EVI5L: variants seen among roughly 807,000 people sequenced by gnomAD.
The protein encoded by EVI5L is EVI5-like protein.
A neutral mutation model predicts 106.1 loss-of-function variants in EVI5L; 30 were observed. That is an observed-to-expected ratio of 0.28 (90% confidence interval 0.21 to 0.38). The LOEUF (loss-of-function observed/expected upper bound fraction) is 0.38. Ranked by LOEUF, EVI5L falls within the 10% of genes least tolerant of loss-of-function variation. The pLI is 1.00. For missense variants in EVI5L, 809 were observed against 1,098.0 expected, an observed-to-expected ratio of 0.74 and a Z score of 3.72; for synonymous variants, 489 against 483.3, an observed-to-expected ratio of 1.01 and a Z score of -0.15.
In EVI5L at chr19:7,848,858, G is replaced by A; in HGVS notation, c.328-63G>A. The stretch of plus-strand genomic sequence containing the variant: ...GAGCCACGCCTGAGGAGCTGGGCTG[G>A]GTGGCCACGGGGAGGCTGCGCTGGG... On this transcript the variant is annotated intron_variant, in intron 3 of 19. Coordinates refer to ENST00000538904, the MANE Select transcript of EVI5L (RefSeq NM_001159944.3). This position sits in a 1 kb window ranked among gnomAD's most constrained non-coding sequence, Gnocchi z 4.8. The A allele has an allele frequency of 6.6e-7, 1 of 1,518,382 alleles. No individual in the cohort carries two copies. Among genetic ancestry groups the A allele is most frequent in the Non-Finnish European group, 9.0e-7 (1 of 1,111,624 alleles). The allele number at this position is 1,518,382 out of a possible 1,614,324, so 94.1% of individuals were successfully genotyped here.
chr19:7,863,868 C>A lies in EVI5L; in HGVS notation c.*166C>A. 1.0e-6 allele frequency: 1 copy of A among 972,286 alleles called. No homozygotes were observed. Among genetic ancestry groups the A allele is most frequent in the Non-Finnish European group, 1.4e-6 (1 of 698,928 alleles). 60.2% of individuals were successfully genotyped at this position (972,286 alleles called of 1,614,324 possible). A position where few individuals can be genotyped will look rare whatever the true frequency, so the allele number is the denominator to read the frequency against. On this transcript the variant is annotated 3_prime_UTR_variant, in exon 20 of 20. Transcript: ENST00000538904. The surrounding 1 kb of genome is among the most constrained non-coding windows in gnomAD (Gnocchi z 7.7). The stretch of plus-strand genomic sequence containing the variant: ...AGGCAGCGCAGAGGGTAGGGTCCGA[C>A]CTGGGCTCCTCAGGGCCCCGGGGCA...
chr19:7,835,415 G>A lies in EVI5L; in HGVS notation c.-48+5034G>A, dbSNP rs1978324516. On this transcript the variant is annotated intron_variant, in intron 1 of 19. Coordinates refer to ENST00000538904, the MANE Select transcript of EVI5L (RefSeq NM_001159944.3). The surrounding 1 kb of genome is among the most constrained non-coding windows in gnomAD (Gnocchi z 4.1). ...CCCAGCTACTCAGGAGGCTGAGGCA[G>A]GAGAATTGCTTGAACCCAGGAGGCA... is the stretch of plus-strand genomic sequence containing the variant. Among the ~76,000 whole-genome samples, 1 of 152,110 alleles carries A rather than the reference G, an allele frequency of 6.6e-6. No homozygotes were observed. Among genetic ancestry groups the A allele is most frequent in the African/African-American group, 2.4e-5 (1 of 41,410 alleles).
chr19:7,856,005 A>G lies in EVI5L; in HGVS notation c.1147-10A>G. The G allele has an allele frequency of 7.5e-7, 1 of 1,325,130 alleles. No individual in the cohort carries two copies. 82.1% of individuals were successfully genotyped at this position (1,325,130 alleles called of 1,614,324 possible). On this transcript the variant is annotated splice_polypyrimidine_tract_variant and intron_variant, in intron 10 of 19. Transcript: ENST00000538904. This position sits in a 1 kb window ranked among gnomAD's most constrained non-coding sequence, Gnocchi z 6.6. ...GCGGGCTATGACGTGATCTCCCCCCACCCCCATAGAGACTTCGGACGGAGA... is the reference window on the plus strand; with the variant it reads ...GCGGGCTATGACGTGATCTCCCCCCGCCCCCATAGAGACTTCGGACGGAGA...
rs146356394 is a variant in EVI5L at position 7,851,692 on chromosome 19, C to T, written c.909C>T (p.Ile303=). The change falls in exon 8 of 20, where the codon ATC becomes ATT. Residue 303 remains isoleucine, a synonymous_variant. Transcript: ENST00000538904. ...FDIFMYEGLE[I]VFRVGLALLQ... ...TGCCGCCTTTGCAGGGGCTGGAGAT[C>T]GTGTTCCGAGTGGGCCTCGCCCTGC... is the stretch of plus-strand genomic sequence containing the variant. 1.4e-4 allele frequency: 222 copies of T among 1,577,334 alleles called. No homozygotes were observed. The highest frequency in any genetic ancestry group is 1.8e-4 in the Non-Finnish European group (214 of 1,164,900).
intron 14 of EVI5L, 41 bp downstream of exon 14, chr19:7,860,730 T>TG: frequency 6.5e-7 from 1 of 1,532,776 alleles, no homozygotes; most frequent in Non-Finnish European, 8.8e-7. Context: ...GGGGGGACCC[T>TG]GGGGCACAGG....
intron 1 of EVI5L, among the ~76,000 whole-genome samples, chr19:7,842,854 AGT>A (rs1360551341): frequency 6.9e-6 from 1 of 144,782 alleles, no homozygotes; most frequent in Non-Finnish European, 1.5e-5. Flanking sequence ...TGTGTATCTG[AGT>A]GTGTCCATGT....
At chr19:7,854,277 G>A (rs1979416761) in intron 10 of EVI5L, among the ~76,000 whole-genome samples, 1 of 115,418 alleles carries the variant, frequency 8.7e-6, no homozygotes. Flanking sequence ...GTGAGACTGT[G>A]TCTCAAAAAA....
rs1459311553 is a variant in EVI5L at position 7,857,387 on chromosome 19, C to T, written c.1233+263C>T. The T allele has an allele frequency of 5.0e-6, 3 of 595,262 alleles. No individual in the cohort carries two copies. Among genetic ancestry groups the T allele is most frequent in the South Asian group, 4.0e-5 (2 of 50,584 alleles). 36.9% of individuals were successfully genotyped at this position (595,262 alleles called of 1,614,324 possible). On this transcript the variant is annotated intron_variant, in intron 12 of 19. Transcript: ENST00000538904. This position sits in a 1 kb window ranked among gnomAD's most constrained non-coding sequence, Gnocchi z 4.5. ...ACATGCATGTACAGAAAGCTTCCTC[C>T]GGGCGACACAGGGTGGGGACCCAGG...
intron 1 of EVI5L, among the ~76,000 whole-genome samples, chr19:7,842,080 T>G (rs1978627868): frequency 6.6e-6 from 1 of 151,974 alleles, no homozygotes; most frequent in Non-Finnish European, 1.5e-5. Context: ...AATGGGTATG[T>G]TTTGTGTTGA....
chr19:7,834,634 T>C (rs1419233622), intron 1 of EVI5L, among the ~76,000 whole-genome samples: 1 of 152,168 alleles, frequency 6.6e-6, no homozygotes, highest in African/African-American at 2.4e-5. Context: ...CCCACAAATA[T>C]GGGATGCCTA....
In EVI5L at chr19:7,857,949, T is replaced by C; in HGVS notation, c.1234-242T>C. 2.0e-6 allele frequency: 1 copy of C among 510,374 alleles called. No homozygotes were observed. Among genetic ancestry groups the C allele is most frequent in the Admixed American group, 3.4e-5 (1 of 29,000 alleles). 31.6% of individuals were successfully genotyped at this position (510,374 alleles called of 1,614,324 possible). ...GCCAGAGTGGGGAAGGAGATGGAGC[T>C]TTCCAAGCCCAGGGCTAGCTCTGTT... On this transcript the variant is annotated intron_variant, in intron 12 of 19. Transcript: ENST00000538904. This position sits in a 1 kb window ranked among gnomAD's most constrained non-coding sequence, Gnocchi z 4.5.
intron 8 of EVI5L, 175 bp from the exon 9 acceptor site, chr19:7,852,911 C>T: frequency 1.6e-6 from 1 of 629,076 alleles, no homozygotes; most frequent in Non-Finnish European, 2.8e-6. Context: ...CCCATTCCCT[C>T]CCCTCACGCT....
Position 7,850,457 on chromosome 19 carries a change from G to A in EVI5L, c.753+335G>A, listed in dbSNP as rs1865401531. 6.6e-6 allele frequency among the ~76,000 whole-genome samples: 1 copy of A among 152,162 alleles called. No homozygotes were observed. Among genetic ancestry groups the A allele is most frequent in the African/African-American group, 2.4e-5 (1 of 41,440 alleles). ...CTCCCTGTCTGCTCCAGAGTGTGGT[G>A]GAAGGAGGGAGTGTTGTCTGCCTGC... On this transcript the variant is annotated intron_variant, in intron 6 of 19. Coordinates refer to ENST00000538904, the MANE Select transcript of EVI5L (RefSeq NM_001159944.3). This position sits in a 1 kb window ranked among gnomAD's most constrained non-coding sequence, Gnocchi z 5.4.
chr19:7,861,758 C>G (rs1599580391), intron 14 of EVI5L, 120 bp from the exon 15 acceptor site: 1 of 1,346,780 alleles, frequency 7.4e-7, no homozygotes, highest in East Asian at 2.5e-5. Context: ...GGGTCGCCCT[C>G]CCCCATCTGA....
chr19:7,849,395 G>C, intron 5 of EVI5L, 65 bp downstream of exon 5: 2 of 1,562,074 alleles, frequency 1.3e-6, no homozygotes, highest in Admixed American at 1.7e-5. Flanking sequence ...CGGCCCCCAA[G>C]AGATGGACAG....
Position 7,857,279 on chromosome 19 carries a change from G to C in EVI5L, c.1233+155G>C, listed in dbSNP as rs958568044. 2.0e-6 allele frequency: 2 copies of C among 978,420 alleles called. No homozygotes were observed. The highest frequency in any genetic ancestry group is 3.1e-6 in the Non-Finnish European group (2 of 640,262). The allele number at this position is 978,420 out of a possible 1,614,324, so 60.6% of individuals were successfully genotyped here. ...GGGGACCGCTTCTGGGGGACACAGAGGCTTCCCGGGGGGGCGGGGCATGTG... is the reference window on the plus strand; with the variant it reads ...GGGGACCGCTTCTGGGGGACACAGACGCTTCCCGGGGGGGCGGGGCATGTG... On this transcript the variant is annotated intron_variant, in intron 12 of 19. Coordinates refer to ENST00000538904, the MANE Select transcript of EVI5L (RefSeq NM_001159944.3). The surrounding 1 kb of genome is among the most constrained non-coding windows in gnomAD (Gnocchi z 4.5).
Position 7,862,461 on chromosome 19 carries a change from T to G in EVI5L, c.1874T>G (p.Leu625Arg), listed in dbSNP as rs779416509. 1 of 1,608,472 alleles carries G rather than the reference T, an allele frequency of 6.2e-7. No homozygotes were observed. Among genetic ancestry groups the G allele is most frequent in the Non-Finnish European group, 8.5e-7 (1 of 1,178,134 alleles). ...GCGCTGCAGGAGAAGCTGCAGTACC[T>G]GGCTGCACAGAACAAGGGGCTGCAG... ...RAALQEKLQY[L>R]AAQNKGLQTQ... The change falls in exon 17 of 20, where the codon CTG becomes CGG. Residue 625 changes from leucine (L) to arginine (R), a missense_variant. Leu to Arg is a moderately radical substitution (Grantham distance 102). Transcript: ENST00000538904.
intron 8 of EVI5L, chr19:7,852,701 A>G (rs982104446): frequency 1.2e-5 from 3 of 247,726 alleles, no homozygotes; most frequent in Non-Finnish European, 2.3e-5. Flanking sequence ...AGAGGTGTAC[A>G]TCACCATGTC....
intron 1 of EVI5L, among the ~76,000 whole-genome samples, chr19:7,831,223 CCAAACACACA>C (rs1292166103): frequency 4.6e-5 from 4 of 87,262 alleles, no homozygotes; most frequent in Non-Finnish European, 9.0e-5. Context: ...TCTGAAAACC[CCAAACACACA>C]CACACACACA....
Sources: allele counts gnomAD v4.1 joint callset (sites outside exome capture counted in the v4.1 genomes callset), GRCh38; gene constraint gnomAD v4.1.1; non-coding constraint Gnocchi (gnomAD v3.1); transcripts MANE v1.5; gene names NCBI Gene and HGNC (gene_info 2026-07-23, HGNC 2026-07-21).